Variants in OR9Q1 observed in about 807,000 individuals in gnomAD.
OR9Q1 encodes olfactory receptor 9Q1.
For synonymous variants in OR9Q1, 153 were observed against 148.6 expected (o/e 1.03, Z -0.22); for missense variants, 374 against 378.8 (o/e 0.99, Z 0.11).
chr11:58,061,066 T>C (rs1253504780), intron 2 of OR9Q1, among the ~76,000 whole-genome samples: 6 of 152,194 alleles, frequency 3.9e-5, no homozygotes, highest in Non-Finnish European at 8.8e-5. Flanking sequence ...GTTGAGTGCA[T>C]GAGTGAATGC....
At position 58,179,934 on chromosome 11, in the gene OR9Q1, T is replaced by C; in HGVS notation, c.490T>C (p.Phe164Leu). ...TGCCTTGGTGCGGACAGTCTCAGCC[T>C]TCACTCTCTCCTTCTGTGGAACCAG... ...ISALVRTVSA[F>L]TLSFCGTSEI... The change falls in exon 3 of 3, where the codon TTC becomes CTC. Residue 164 changes from phenylalanine (F) to leucine (L), a missense_variant. Transcript: ENST00000335397. 1 of 1,614,184 alleles carries C rather than the reference T, an allele frequency of 6.2e-7. No homozygotes were observed. The highest frequency in any genetic ancestry group is 8.5e-7 in the Non-Finnish European group (1 of 1,180,020).
At chr11:58,099,306 CATA>C (rs1247416059) in intron 2 of OR9Q1, among the ~76,000 whole-genome samples, 5 of 147,438 alleles carry the variant, frequency 3.4e-5, no homozygotes, top group Non-Finnish European at 6.0e-5. Flanking sequence ...AAATATATAA[CATA>C]ATATAATATA....
At chr11:58,149,324 G>A (rs1013840685) in intron 2 of OR9Q1, among the ~76,000 whole-genome samples, 2 of 152,262 alleles carry the variant, frequency 1.3e-5, no homozygotes, top group Non-Finnish European at 1.5e-5. Flanking sequence ...CTCTGTGTGG[G>A]TAGGGACTTT....
chr11:58,063,557 G>GT (rs1853400336), intron 2 of OR9Q1, among the ~76,000 whole-genome samples: 1 of 152,148 alleles, frequency 6.6e-6, no homozygotes, highest in South Asian at 2.1e-4. Flanking sequence ...AAAAAAGCAT[G>GT]TGATAAACTC....
At chr11:58,050,663 C>A (rs1048487970) in intron 1 of OR9Q1, among the ~76,000 whole-genome samples, 1 of 129,076 alleles carries the variant, frequency 7.7e-6, no homozygotes, top group Admixed American at 8.2e-5. Flanking sequence ...GAACAGGCAA[C>A]CTACAACATG....
intron 1 of OR9Q1, among the ~76,000 whole-genome samples, chr11:58,046,277 C>T (rs1853215596): frequency 7.2e-6 from 1 of 139,708 alleles, no homozygotes; most frequent in Admixed American, 7.1e-5. Context: ...ACTTTGTTCC[C>T]TCCTCTCAGG....
rs556923677 is a variant in OR9Q1 at position 58,146,956 on chromosome 11, C to A, written c.-14-32475C>A. The stretch of plus-strand genomic sequence containing the variant: ...TGGACTTTATTTCAAAAGTAGAGTG[C>A]GAAATGATCAGATACGAATTTTTAA... On this transcript the variant is annotated intron_variant, in intron 2 of 2. Transcript: ENST00000335397. 2.1e-4 allele frequency among the ~76,000 whole-genome samples: 32 copies of A among 152,134 alleles called. 1 individual carries two copies. The South Asian group carries it at 2.9e-3, about 14-fold the overall frequency.
At chr11:58,057,223 C>T (rs576566006) in intron 2 of OR9Q1, among the ~76,000 whole-genome samples, 5 of 152,158 alleles carry the variant, frequency 3.3e-5, no homozygotes, top group East Asian at 1.9e-4. Context: ...GAACTCCTGA[C>T]GCTAAGTGAT....
chr11:58,161,766 A>G (rs1854460056), intron 2 of OR9Q1, among the ~76,000 whole-genome samples: 1 of 152,158 alleles, frequency 6.6e-6, no homozygotes. Flanking sequence ...TCCCGGCCTC[A>G]GGTGATCCTC....
Position 58,101,149 on chromosome 11 carries a change from T to C in OR9Q1, c.-15+45202T>C, listed in dbSNP as rs765566561. Among the ~76,000 whole-genome samples the C allele has an allele frequency of 1.3e-4, 20 of 151,972 alleles. No homozygotes were observed. In the South Asian group the frequency reaches 2.5e-3, roughly 19 times the overall value. ...ATATATTTATATTTTTATGAATAAA[T>C]AAACATATATATAGTATTTATATAT... On this transcript the variant is annotated intron_variant, in intron 2 of 2. Transcript: ENST00000335397.
chr11:58,043,891 C>T (rs1465417400), intron 1 of OR9Q1, among the ~76,000 whole-genome samples: 1 of 152,134 alleles, frequency 6.6e-6, no homozygotes, highest in Non-Finnish European at 1.5e-5. Flanking sequence ...TTAATATATC[C>T]TGAGCTCTGT....
At chr11:58,090,008 C>G (rs185347418) in intron 2 of OR9Q1, among the ~76,000 whole-genome samples, 3 of 152,108 alleles carry the variant, frequency 2.0e-5, no homozygotes, top group African/African-American at 4.8e-5. Flanking sequence ...TATCCCGAGA[C>G]TTTGCTGAAG....
In OR9Q1 at chr11:58,031,680, C is replaced by G. The variant is rs562631153; in HGVS notation, c.-93+7576C>G. The G allele has an allele frequency of 9.3e-6, 15 of 1,613,972 alleles. No individual in the cohort carries two copies. In the Admixed American group the frequency reaches 1.0e-4, roughly 11 times the overall value. ...GCTGCTGAGCGCTGGAAGGCCTTCT[C>G]TACCTGTGCAGCTCACCTGACTGTG... is the stretch of plus-strand genomic sequence containing the variant. On this transcript the variant is annotated intron_variant, in intron 1 of 2. Coordinates refer to ENST00000335397, the MANE Select transcript of OR9Q1 (RefSeq NM_001005212.4).
chr11:58,093,362 C>T (rs955415430), intron 2 of OR9Q1, among the ~76,000 whole-genome samples: 1 of 152,040 alleles, frequency 6.6e-6, no homozygotes, highest in Admixed American at 6.6e-5. Flanking sequence ...GGGCTAAAAG[C>T]CTGAACAGAC....
chr11:58,057,076 C>T lies in OR9Q1; in HGVS notation c.-15+1129C>T, dbSNP rs192560237. Reference sequence around the variant, plus strand: ...GTGGTGCCATCTTGGCTCACTGCAACCCTGCCTCCCAGGTTCAAGTGATTC... The same window carrying T: ...GTGGTGCCATCTTGGCTCACTGCAATCCTGCCTCCCAGGTTCAAGTGATTC... On this transcript the variant is annotated intron_variant, in intron 2 of 2. Transcript: ENST00000335397. 8.8e-5 allele frequency among the ~76,000 whole-genome samples: 13 copies of T among 147,528 alleles called. No homozygotes were observed. The East Asian group carries it at 2.6e-3, about 29-fold the overall frequency.
At chr11:58,168,819 G>A (rs1854529315) in intron 2 of OR9Q1, among the ~76,000 whole-genome samples, 1 of 151,770 alleles carries the variant, frequency 6.6e-6, no homozygotes, top group Admixed American at 6.6e-5. Context: ...GCATTTCCAG[G>A]CCTAGTTGTC....
chr11:58,150,477 A>T (rs1034370773), intron 2 of OR9Q1, among the ~76,000 whole-genome samples: 21 of 152,218 alleles, frequency 1.4e-4, no homozygotes, highest in Non-Finnish European at 4.4e-5. Context: ...GTTGAGTTGC[A>T]TGAGTTCTTT....
intron 2 of OR9Q1, among the ~76,000 whole-genome samples, chr11:58,104,917 C>T (rs1213403660): frequency 6.6e-6 from 1 of 152,170 alleles, no homozygotes; most frequent in Non-Finnish European, 1.5e-5. Context: ...CAATAAATAA[C>T]ATATTTTTTT....
At chr11:58,047,034 G>T (rs1052547039) in intron 1 of OR9Q1, among the ~76,000 whole-genome samples, 9 of 152,158 alleles carry the variant, frequency 5.9e-5, no homozygotes, top group Non-Finnish European at 1.2e-4. Flanking sequence ...GTATCTCTAG[G>T]TATCTGGAGT....
Sources: allele counts gnomAD v4.1 joint callset (sites outside exome capture counted in the v4.1 genomes callset), GRCh38; gene constraint gnomAD v4.1.1; transcripts MANE v1.5; gene names NCBI Gene and HGNC (gene_info 2026-07-23, HGNC 2026-07-21).